FGD4: variants seen among roughly 807,000 people sequenced by gnomAD.
The protein encoded by FGD4 is FYVE, RhoGEF and PH domain containing 4.
In FGD4, 42 loss-of-function variants were observed where a neutral mutation model predicts 102.0. The ratio of observed to expected loss-of-function variants is 0.41; its 90% CI spans 0.32 to 0.53. The LOEUF (loss-of-function observed/expected upper bound fraction) is 0.53, where lower values mean the gene tolerates loss of function less well. FGD4 is among the 20% of genes least tolerant of loss of function. The pLI is 0.21. For synonymous variants in FGD4, 380 were observed against 375.7 expected (o/e 1.01, Z -0.13); for missense variants, 902 against 1,078.2 (o/e 0.84, Z 2.29).
At position 32,636,458 on chromosome 12, in the gene FGD4, G is replaced by C. The variant is rs982391573; in HGVS notation, c.2314-2197G>C. Among the ~76,000 whole-genome samples the C allele has an allele frequency of 5.9e-5, 9 of 152,132 alleles. No individual in the cohort carries two copies. The East Asian group carries it at 1.7e-3, about 29-fold the overall frequency. ...TGAGGCAGGATAATCGCTTGAACCT[G>C]GGCGGCGGAGGTGTCAGTGAGCCAA... On this transcript the variant is annotated intron_variant, in intron 15 of 16. Transcript: ENST00000534526.
intron 1 of FGD4, among the ~76,000 whole-genome samples, chr12:32,480,414 G>A (rs1272525206): frequency 2.0e-5 from 3 of 151,108 alleles, no homozygotes; most frequent in African/African-American, 4.9e-5. Context: ...CGCCCACTTC[G>A]GCCTCCCAAA....
intron 1 of FGD4, among the ~76,000 whole-genome samples, chr12:32,492,792 T>TG (rs1944154120): frequency 6.6e-6 from 1 of 152,232 alleles, no homozygotes; most frequent in Admixed American, 6.5e-5. Context: ...TATTTTTTTT[T>TG]GGTATAAAAC....
chr12:32,622,502 T>G (rs148552287), intron 11 of FGD4, among the ~76,000 whole-genome samples: 264 of 152,346 alleles, frequency 1.7e-3, no homozygotes, highest in African/African-American at 5.8e-3. Context: ...TGTCTAAAAT[T>G]TCTTATTTAC....
chr12:32,592,673 A>G (rs1426562759), intron 4 of FGD4, among the ~76,000 whole-genome samples: 1 of 152,180 alleles, frequency 6.6e-6, no homozygotes, highest in Non-Finnish European at 1.5e-5. Context: ...TAATTCTAAT[A>G]TAGTAATAAA....
At position 32,585,834 on chromosome 12, in the gene FGD4, C is replaced by CAAAAAAAA. The variant is rs58688697; in HGVS notation, c.1011+3386_1011+3393dup. Reference sequence around the variant, plus strand: ...GGGCCACAGAGCTGAGACCTTGTCTCAAAAAAAAAAAAAAAAAAAAAAAAA... The same window carrying CAAAAAAAA: ...GGGCCACAGAGCTGAGACCTTGTCTCAAAAAAAAAAAAAAAAAAAAAAAAAAAAAAAAA... On this transcript the variant is annotated intron_variant, in intron 4 of 16. Coordinates refer to ENST00000534526, the MANE Select transcript of FGD4 (RefSeq NM_001370298.3). 1.3e-3 allele frequency among the ~76,000 whole-genome samples: 89 copies of CAAAAAAAA among 68,816 alleles called. 2 individuals carry two copies. The highest frequency in any genetic ancestry group is 4.6e-3 in the African/African-American group (81 of 17,506). The allele number at this position is 68,816 out of a possible 152,430, so 45.1% of individuals were successfully genotyped here.
intron 11 of FGD4, among the ~76,000 whole-genome samples, chr12:32,622,362 T>C (rs1427946731): frequency 6.6e-6 from 1 of 152,184 alleles, no homozygotes; most frequent in African/African-American, 2.4e-5. Context: ...CTTTAGCCAG[T>C]TGGGCTATTT....
chr12:32,481,574 G>A (rs1232218506), intron 1 of FGD4, among the ~76,000 whole-genome samples: 1 of 152,194 alleles, frequency 6.6e-6, no homozygotes, highest in Non-Finnish European at 1.5e-5. Flanking sequence ...TGTAATCCCA[G>A]CATTTTGGGA....
chr12:32,594,386 A>G (rs1016447974), intron 4 of FGD4, among the ~76,000 whole-genome samples: 14 of 152,310 alleles, frequency 9.2e-5, no homozygotes, highest in African/African-American at 3.4e-4. Context: ...GCTGTCTCCC[A>G]TCACTCCCAG....
intron 4 of FGD4, 67 bp from the exon 5 acceptor site, chr12:32,598,430 G>GT: frequency 1.8e-6 from 2 of 1,139,600 alleles, no homozygotes; most frequent in Non-Finnish European, 1.3e-6. Flanking sequence ...TTGAAGAAGC[G>GT]TTTTTTACTT....
intron 1 of FGD4, among the ~76,000 whole-genome samples, chr12:32,410,231 G>A (rs1436402106): frequency 1.3e-5 from 2 of 152,042 alleles, no homozygotes; most frequent in Non-Finnish European, 2.9e-5. Context: ...GGGAGGCTGA[G>A]GCAGGAGAAT....
intron 8 of FGD4, 123 bp downstream of exon 8, chr12:32,608,218 T>G: frequency 7.3e-7 from 1 of 1,365,192 alleles, no homozygotes; most frequent in Non-Finnish European, 1.0e-6. Flanking sequence ...TAGAAGATAA[T>G]TTCATTGGAA....
At chr12:32,529,346 C>T (rs1181611881) in intron 1 of FGD4, among the ~76,000 whole-genome samples, 3 of 151,838 alleles carry the variant, frequency 2.0e-5, no homozygotes, top group East Asian at 2.0e-4. Flanking sequence ...ACGATGGTCT[C>T]GATCTCTTAA....
intron 1 of FGD4, among the ~76,000 whole-genome samples, chr12:32,409,521 A>C (rs919237899): frequency 5.3e-5 from 8 of 151,066 alleles, no homozygotes; most frequent in Non-Finnish European, 1.0e-4. Flanking sequence ...TCCTGACCTC[A>C]GGTGATCCGC....
At chr12:32,610,107 A>G (rs946527778) in intron 8 of FGD4, among the ~76,000 whole-genome samples, 3 of 152,242 alleles carry the variant, frequency 2.0e-5, no homozygotes, top group African/African-American at 7.2e-5. Context: ...TGCTCATACA[A>G]CTAGTAAAAT....
At chr12:32,601,683 G>C (rs764817053) in intron 6 of FGD4, among the ~76,000 whole-genome samples, 34 of 152,328 alleles carry the variant, frequency 2.2e-4, no homozygotes, top group Non-Finnish European at 3.8e-4. Context: ...ATGGCATTCT[G>C]ATAGCCCCTT....
chr12:32,530,941 G>GTTTTTTTTTTTTTTTTTTTTT lies in FGD4; in HGVS notation c.167-33187_167-33167dup, dbSNP rs768536136. ...TATGACAATCAGTTTCCTAGCTTTG[G>GTTTTTTTTTTTTTTTTTTTTT]TTTTTTTTTTTTTTTTTTTTTTTTT... On this transcript the variant is annotated intron_variant, in intron 1 of 16. Transcript: ENST00000534526. Among the ~76,000 whole-genome samples, 13 of 70,466 alleles carry GTTTTTTTTTTTTTTTTTTTTT rather than the reference G, an allele frequency of 1.8e-4. 3 individuals carry two copies. The highest frequency in any genetic ancestry group is 6.2e-4 in the African/African-American group (9 of 14,478). 46.2% of individuals were successfully genotyped at this position (70,466 alleles called of 152,430 possible). A position where few individuals can be genotyped will look rare whatever the true frequency, so the allele number is the denominator to read the frequency against.
chr12:32,519,543 C>T (rs1940278101), intron 1 of FGD4, among the ~76,000 whole-genome samples: 1 of 152,076 alleles, frequency 6.6e-6, no homozygotes, highest in African/African-American at 2.4e-5. Context: ...TAACTCCCAG[C>T]ACTTTGGGAG....
intron 1 of FGD4, among the ~76,000 whole-genome samples, chr12:32,517,916 T>G (rs1433908414): frequency 6.6e-6 from 1 of 152,198 alleles, no homozygotes; most frequent in East Asian, 1.9e-4. Context: ...GAATTCAACT[T>G]GAAATCATTT....
chr12:32,593,975 A>G (rs988904201), intron 4 of FGD4, among the ~76,000 whole-genome samples: 1 of 152,216 alleles, frequency 6.6e-6, no homozygotes, highest in African/African-American at 2.4e-5. Flanking sequence ...ATAGAAAGGA[A>G]AGATCACTAG....
Sources: allele counts gnomAD v4.1 joint callset (sites outside exome capture counted in the v4.1 genomes callset), GRCh38; gene constraint gnomAD v4.1.1; transcripts MANE v1.5; gene names NCBI Gene and HGNC (gene_info 2026-07-23, HGNC 2026-07-21).